GPC6: variants seen among roughly 807,000 people sequenced by gnomAD.
GPC6 encodes glypican-6.
In GPC6, 14 loss-of-function variants were observed where a neutral mutation model predicts 55.2. The observed-to-expected ratio is 0.25, with a 90% CI of 0.17 to 0.40. The LOEUF (loss-of-function observed/expected upper bound fraction) is 0.40. Among genes scored for constraint, GPC6 ranks in the 10% least tolerant of loss-of-function variants. The probability of loss-of-function intolerance (pLI) is 1.00; values close to 1 mark genes in which losing one functional copy is unlikely to be tolerated. For synonymous variants in GPC6, 278 were observed against 259.6 expected, an observed-to-expected ratio of 1.07 and a Z score of -0.68; for missense variants, 641 against 708.5, an observed-to-expected ratio of 0.90 and a Z score of 1.08.
At chr13:93,502,562 T>C (rs1880561676) in intron 1 of GPC6, among the ~76,000 whole-genome samples, 1 of 152,170 alleles carries the variant, frequency 6.6e-6, no homozygotes, top group African/African-American at 2.4e-5. Flanking sequence ...GAACTTCATT[T>C]GTTCATCAGT....
At chr13:93,508,020 G>C (rs72640601) in intron 1 of GPC6, among the ~76,000 whole-genome samples, 1 of 152,294 alleles carries the variant, frequency 6.6e-6, no homozygotes, top group Non-Finnish European at 1.5e-5. Flanking sequence ...TACATGCTGG[G>C]AATATAGCTT....
At chr13:93,775,705 C>T (rs1594446756) in intron 2 of GPC6, among the ~76,000 whole-genome samples, 1 of 152,172 alleles carries the variant, frequency 6.6e-6, no homozygotes, top group African/African-American at 2.4e-5. Flanking sequence ...TACATTCGGG[C>T]AGTCTGCAGC....
intron 3 of GPC6, among the ~76,000 whole-genome samples, chr13:93,910,209 G>A (rs959925406): frequency 1.3e-5 from 2 of 152,058 alleles, no homozygotes; most frequent in East Asian, 1.9e-4. Context: ...ATGGGGGTGG[G>A]TCTTTCCCAT....
chr13:93,763,661 A>G (rs1171414594), intron 2 of GPC6, among the ~76,000 whole-genome samples: 1 of 152,190 alleles, frequency 6.6e-6, no homozygotes, highest in Non-Finnish European at 1.5e-5. Flanking sequence ...TTCAGCCAAG[A>G]CATCTTCTGA....
chr13:93,570,789 T>C (rs1161649838), intron 2 of GPC6, among the ~76,000 whole-genome samples: 1 of 152,160 alleles, frequency 6.6e-6, no homozygotes, highest in Non-Finnish European at 1.5e-5. Context: ...TTTAAAGCAG[T>C]AGTTTTCAGA....
intron 6 of GPC6, among the ~76,000 whole-genome samples, chr13:94,358,344 C>A (rs1878898894): frequency 6.6e-6 from 1 of 151,296 alleles, no homozygotes; most frequent in East Asian, 1.9e-4. Flanking sequence ...TAAGTTATGG[C>A]AGCAGTACTA....
At chr13:93,980,632 A>G (rs1880759201) in intron 3 of GPC6, among the ~76,000 whole-genome samples, 1 of 152,126 alleles carries the variant, frequency 6.6e-6, no homozygotes, top group Non-Finnish European at 1.5e-5. Context: ...TATCTGGCAT[A>G]AGAAGTTATG....
chr13:93,540,156 G>T (rs1044442576), intron 1 of GPC6, among the ~76,000 whole-genome samples: 38 of 152,092 alleles, frequency 2.5e-4, no homozygotes. Context: ...TGCCAGGCTG[G>T]CTTCTAAAGG....
chr13:93,876,863 G>T (rs972614436), intron 3 of GPC6, among the ~76,000 whole-genome samples: 7 of 151,944 alleles, frequency 4.6e-5, no homozygotes, highest in Non-Finnish European at 8.8e-5. Context: ...GTTGATCCTG[G>T]GTATGTTGCA....
At chr13:93,548,709 T>C (rs1428430241) in intron 2 of GPC6, among the ~76,000 whole-genome samples, 5 of 152,288 alleles carry the variant, frequency 3.3e-5, no homozygotes, top group East Asian at 1.9e-4. Flanking sequence ...GTACGAGTTA[T>C]TACCCAACCT....
intron 2 of GPC6, among the ~76,000 whole-genome samples, chr13:93,720,064 C>T (rs1447342318): frequency 6.6e-6 from 1 of 151,962 alleles, no homozygotes; most frequent in Non-Finnish European, 1.5e-5. Context: ...GTGTCTCTGC[C>T]AGGTTTTGGT....
At chr13:94,012,136 C>T (rs1054734054) in intron 3 of GPC6, among the ~76,000 whole-genome samples, 2 of 152,164 alleles carry the variant, frequency 1.3e-5, no homozygotes, top group East Asian at 3.8e-4. Context: ...ATTCTTCATG[C>T]CCATGGAAGT....
intron 4 of GPC6, among the ~76,000 whole-genome samples, chr13:94,258,706 C>T (rs1042425888): frequency 2.0e-5 from 3 of 152,194 alleles, no homozygotes; most frequent in African/African-American, 7.2e-5. Flanking sequence ...GAACTATGTC[C>T]ATTCACAGAC....
At chr13:94,372,818 G>C (rs1001544357) in intron 6 of GPC6, among the ~76,000 whole-genome samples, 94 of 152,172 alleles carry the variant, frequency 6.2e-4, no homozygotes, top group Non-Finnish European at 8.8e-4. Flanking sequence ...GTCCCTGTCT[G>C]ACAGCTTTGA....
At chr13:93,916,469 C>G (rs1877300468) in intron 3 of GPC6, among the ~76,000 whole-genome samples, 1 of 152,134 alleles carries the variant, frequency 6.6e-6, no homozygotes, top group South Asian at 2.1e-4. Flanking sequence ...AGGAAACTGA[C>G]AGTAAGTGTA....
intron 6 of GPC6, among the ~76,000 whole-genome samples, chr13:94,316,472 C>T (rs1392482433): frequency 1.3e-5 from 2 of 152,104 alleles, no homozygotes; most frequent in African/African-American, 4.8e-5. Context: ...AATCCCAGCA[C>T]TTTGGGAGGC....
rs544020598 is a variant in GPC6 at position 94,150,152 on chromosome 13, G to A, written c.877+122258G>A. Reference sequence around the variant, plus strand: ...AGTTGCTCAAGTATTAAAGGCGGATGCATCCAGGTGCCCTCTTCCCTTCCT... The same window carrying A: ...AGTTGCTCAAGTATTAAAGGCGGATACATCCAGGTGCCCTCTTCCCTTCCT... On this transcript the variant is annotated intron_variant, in intron 4 of 8. Transcript: ENST00000377047. Among the ~76,000 whole-genome samples, 9 of 152,168 alleles carry A rather than the reference G, an allele frequency of 5.9e-5. No homozygotes were observed. The South Asian group carries it at 8.3e-4, about 14-fold the overall frequency.
intron 4 of GPC6, among the ~76,000 whole-genome samples, chr13:94,051,635 G>A (rs903266364): frequency 2.0e-5 from 3 of 151,958 alleles, no homozygotes; most frequent in Admixed American, 6.6e-5. Context: ...TATTCTTAAC[G>A]AAAGAGTACA....
rs115572787 is a variant in GPC6, at chr13:93,962,427, A to G, written c.712-65302A>G. Among the ~76,000 whole-genome samples the G allele has an allele frequency of 7.9e-5, 12 of 151,818 alleles. No homozygotes were observed. The South Asian group carries it at 1.9e-3, about 24-fold the overall frequency. On this transcript the variant is annotated intron_variant, in intron 3 of 8. Transcript: ENST00000377047. ...AGTAGTTAGCAAAAAATATATATAT[A>G]TTTTTTTTCTTTCTCTAACCTGGAT...
Sources: allele counts gnomAD v4.1 joint callset (sites outside exome capture counted in the v4.1 genomes callset), GRCh38; gene constraint gnomAD v4.1.1; transcripts MANE v1.5; gene names NCBI Gene and HGNC (gene_info 2026-07-23, HGNC 2026-07-21).